The following CFAP221 variants were observed in gnomAD, a reference collection of about 807,000 sequenced individuals.
The protein encoded by CFAP221 is cilia- and flagella-associated protein 221.
In CFAP221, 97 loss-of-function variants were observed where a neutral mutation model predicts 113.1. That is an observed-to-expected ratio of 0.86 (90% CI 0.73 to 1.02). The LOEUF is 1.02. CFAP221 is among the 50% of genes least tolerant of loss of function. The pLI is 0.00. For synonymous variants in CFAP221, 331 were observed against 354.4 expected, an observed-to-expected ratio of 0.93 and a Z score of 0.74; for missense variants, 1,025 against 1,013.4, an observed-to-expected ratio of 1.01 and a Z score of -0.16.
At chr2:119,604,829 G>A (rs920860066) in intron 9 of CFAP221, 37 bp downstream of exon 9, 2 of 1,604,990 alleles carry the variant, frequency 1.2e-6, no homozygotes, top group Non-Finnish European at 1.7e-6. Flanking sequence ...ATGAAAGGGT[G>A]ACAGAGGGGC....
At chr2:119,559,637 G>T in intron 3 of CFAP221, 52 bp from the exon 4 acceptor site, 1 of 1,376,468 alleles carries the variant, frequency 7.3e-7, no homozygotes, top group East Asian at 2.5e-5. Context: ...AATGAGGTGA[G>T]TATGCAAATA....
At chr2:119,641,112 A>G (rs1391591437) in intron 21 of CFAP221, among the ~76,000 whole-genome samples, 1 of 152,182 alleles carries the variant, frequency 6.6e-6, no homozygotes, top group Non-Finnish European at 1.5e-5. Context: ...TTCCTCCTTC[A>G]TCATCTTCAT....
At position 119,653,820 on chromosome 2, in the gene CFAP221, T is replaced by C. The variant is rs1190033104; in HGVS notation, c.2414+1751T>C. ...AACATGGAATAGTGTCATCTTTTTTTTTCATCTTTATCAATGAGACAGAAC... is the reference window on the plus strand; with the variant it reads ...AACATGGAATAGTGTCATCTTTTTTCTTCATCTTTATCAATGAGACAGAAC... On this transcript the variant is annotated intron_variant, in intron 23 of 23. Coordinates refer to ENST00000413369, the MANE Select transcript of CFAP221 (RefSeq NM_001271049.2). Among the ~76,000 whole-genome samples, 7 of 152,350 alleles carry C rather than the reference T, an allele frequency of 4.6e-5. No homozygotes were observed. In the East Asian group the frequency reaches 1.2e-3, roughly 25 times the overall value.
In CFAP221 at chr2:119,630,889, T is replaced by C. The variant is rs751761743; in HGVS notation, c.1962T>C (p.Pro654=). The part of the protein sequence containing the change: ...EALAMSLDYD[P]LYVFNPNPGL... ...TAGCCATGTCTCTAGATTATGATCC[T>C]CTGTATGTTTTTGTAAGTGACAACT... Residue 654 remains proline (P), a synonymous_variant, in exon 19 of 24, where the codon CCT becomes CCC. Coordinates refer to ENST00000413369, the MANE Select transcript of CFAP221 (RefSeq NM_001271049.2). 2.5e-6 allele frequency: 4 copies of C among 1,613,072 alleles called. No individual in the cohort carries two copies. In the African/African-American group the frequency reaches 4.0e-5, roughly 16 times the overall value.
At chr2:119,554,484 C>T (rs1455391238) in intron 3 of CFAP221, among the ~76,000 whole-genome samples, 2 of 152,140 alleles carry the variant, frequency 1.3e-5, no homozygotes, top group African/African-American at 2.4e-5. Context: ...TTGCTATTGC[C>T]AGCCCAAAAC....
At chr2:119,647,502 C>T (rs965433447) in intron 22 of CFAP221, among the ~76,000 whole-genome samples, 2 of 152,148 alleles carry the variant, frequency 1.3e-5, no homozygotes, top group African/African-American at 4.8e-5. Context: ...TTGATGGCTA[C>T]AGACACAGCA....
downstream of CFAP221, among the ~76,000 whole-genome samples, chr2:119,658,933 G>A (rs1558680660): frequency 6.6e-6 from 1 of 151,230 alleles, no homozygotes; most frequent in Non-Finnish European, 1.5e-5. Flanking sequence ...CGAGGCTGCA[G>A]TGAGCCATGA....
chr2:119,551,771 T>C (rs1276505195), intron 3 of CFAP221, among the ~76,000 whole-genome samples: 1 of 152,240 alleles, frequency 6.6e-6, no homozygotes, highest in Admixed American at 6.5e-5. Context: ...GATCAGCTTT[T>C]CAATTTCTGC....
chr2:119,630,759 C>G lies in CFAP221; in HGVS notation c.1840-8C>G. 2.5e-6 allele frequency: 4 copies of G among 1,609,484 alleles called. No individual in the cohort carries two copies. Among genetic ancestry groups the G allele is most frequent in the Non-Finnish European group, 3.4e-6 (4 of 1,176,090 alleles). On this transcript the variant is annotated splice_region_variant and splice_polypyrimidine_tract_variant and intron_variant, in intron 18 of 23. Coordinates refer to ENST00000413369, the MANE Select transcript of CFAP221 (RefSeq NM_001271049.2). ...CAAAACTAACGTGCTGTCCTTGCTC[C>G]TTGTTAGGATGAAGTCACCACCATC... is the stretch of plus-strand genomic sequence containing the variant.
At chr2:119,554,332 A>G (rs1680631967) in intron 3 of CFAP221, among the ~76,000 whole-genome samples, 1 of 152,206 alleles carries the variant, frequency 6.6e-6, no homozygotes, top group Non-Finnish European at 1.5e-5. Flanking sequence ...CAGTGTTTCA[A>G]TTTACTTTAA....
Position 119,631,102 on chromosome 2 carries a change from T to G in CFAP221, c.1974+201T>G. 2.4e-6 allele frequency: 3 copies of G among 1,249,216 alleles called. No individual in the cohort carries two copies. The South Asian group carries it at 8.5e-5, about 36-fold the overall frequency. 77.4% of individuals were successfully genotyped at this position (1,249,216 alleles called of 1,614,324 possible). A position where few individuals can be genotyped will look rare whatever the true frequency, so the allele number is the denominator to read the frequency against. ...TCCGTCTTTTAGCAATTCCTGCATT[T>G]TTAATGAAAATAATTTTATGATCTT... On this transcript the variant is annotated intron_variant, in intron 19 of 23. Transcript: ENST00000413369.
intron 14 of CFAP221, among the ~76,000 whole-genome samples, chr2:119,616,098 A>G (rs1329455907): frequency 6.6e-6 from 1 of 152,242 alleles, no homozygotes; most frequent in Non-Finnish European, 1.5e-5. Flanking sequence ...ATTGACACAT[A>G]ATAGTTGTAC....
chr2:119,587,315 C>A, intron 7 of CFAP221, 93 bp downstream of exon 7: 2 of 777,002 alleles, frequency 2.6e-6, no homozygotes, highest in Admixed American at 3.5e-5. Context: ...GAATTTTACA[C>A]ATAACTGACC....
intron 6 of CFAP221, chr2:119,572,775 G>A (rs2104574456): frequency 1.8e-6 from 1 of 540,546 alleles, no homozygotes; most frequent in Non-Finnish European, 3.3e-6. Context: ...TGATGCCATG[G>A]GCAAGGCCGC....
intron 14 of CFAP221, among the ~76,000 whole-genome samples, chr2:119,623,680 A>G (rs996893284): frequency 2.0e-5 from 3 of 152,310 alleles, no homozygotes; most frequent in African/African-American, 4.8e-5. Context: ...ATATAAACCA[A>G]TGGAACAGAA....
intron 6 of CFAP221, among the ~76,000 whole-genome samples, chr2:119,579,163 G>T (rs1682671655): frequency 6.6e-6 from 1 of 152,002 alleles, no homozygotes; most frequent in Admixed American, 6.6e-5. Context: ...AGGTAAGAGG[G>T]ATAAAAGTTG....
intron 3 of CFAP221, among the ~76,000 whole-genome samples, chr2:119,550,783 A>G (rs1249741168): frequency 6.6e-6 from 1 of 152,162 alleles, no homozygotes; most frequent in African/African-American, 2.4e-5. Context: ...TACAGTATGT[A>G]TACAATTCAA....
intron 23 of CFAP221, chr2:119,655,908 C>T (rs890587097): frequency 6.0e-6 from 1 of 167,104 alleles, no homozygotes; most frequent in Non-Finnish European, 1.3e-5. Flanking sequence ...GTGCACAACT[C>T]TCCCTGAGGT....
intron 14 of CFAP221, among the ~76,000 whole-genome samples, chr2:119,621,301 CAAAG>C (rs769955048): frequency 3.3e-5 from 5 of 150,676 alleles, no homozygotes; most frequent in Non-Finnish European, 7.4e-5. Context: ...TCAAAAAAGA[CAAAG>C]AAGGGCATGG....
Sources: gnomAD v4.1 joint callset for allele counts (sites outside exome capture counted in the v4.1 genomes callset) on GRCh38, gnomAD v4.1.1 for gene constraint, MANE v1.5 for transcripts, NCBI Gene and HGNC (gene_info 2026-07-23, HGNC 2026-07-21) for gene names.